The following TTC24 variants were observed in gnomAD, a reference collection of about 807,000 sequenced individuals.
The protein encoded by TTC24 is tetratricopeptide repeat domain 24.
In TTC24, 54 loss-of-function variants were observed where a neutral mutation model predicts 63.3. The ratio of observed to expected loss-of-function variants is 0.85; its 90% confidence interval spans 0.69 to 1.07. The LOEUF (loss-of-function observed/expected upper bound fraction) is 1.07, where lower values mean the gene tolerates loss of function less well. Among genes scored for constraint, TTC24 ranks in the 50% least tolerant of loss-of-function variants. The pLI is 0.00. For missense variants in TTC24, 680 were observed against 730.5 expected, an observed-to-expected ratio of 0.93 and a Z score of 0.80; for synonymous variants, 276 against 304.3, an observed-to-expected ratio of 0.91 and a Z score of 0.97.
intron 1 of TTC24, among the ~76,000 whole-genome samples, chr1:156,580,638 C>T (rs575024504): frequency 5.9e-5 from 9 of 152,134 alleles, no homozygotes; most frequent in African/African-American, 1.4e-4. Context: ...CCACCACGCC[C>T]GGCTAATTTT....
Position 156,583,259 on chromosome 1 carries a change from G to A in TTC24, c.1040-79G>A. ...CGGGGAGGCAGATGGGGGGAACTGAGGGTAGGGAGTGCCTCTGAGGGGGTG... is the reference window on the plus strand; with the variant it reads ...CGGGGAGGCAGATGGGGGGAACTGAAGGTAGGGAGTGCCTCTGAGGGGGTG... On this transcript the variant is annotated intron_variant, in intron 4 of 10. Coordinates refer to ENST00000368236, the MANE Select transcript of TTC24 (RefSeq NM_001105669.4). The surrounding 1 kb of genome is among the most constrained non-coding windows in gnomAD (Gnocchi z 4.0). 1 of 1,609,820 alleles carries A rather than the reference G, an allele frequency of 6.2e-7. No individual in the cohort carries two copies.
At chr1:156,584,214 A>G (rs756718568) in intron 6 of TTC24, among the ~76,000 whole-genome samples, 1 of 152,234 alleles carries the variant, frequency 6.6e-6, no homozygotes, top group Non-Finnish European at 1.5e-5. Context: ...AAATGGCCAC[A>G]GGATGGAGAT....
At position 156,587,373 on chromosome 1, in the gene TTC24, G is replaced by A. The variant is rs1296234847; in HGVS notation, c.*823G>A. Among the ~76,000 whole-genome samples the A allele has an allele frequency of 6.6e-6, 1 of 152,240 alleles. No homozygotes were observed. The highest frequency in any genetic ancestry group is 1.5e-5 in the Non-Finnish European group (1 of 68,046). ...TCCCAGGTCACATAACTAGTATGTA[G>A]AGAAGCTGGGAATCAAACCCAGGCA... On this transcript the variant is annotated 3_prime_UTR_variant, in exon 11 of 11. Coordinates refer to ENST00000368236, the MANE Select transcript of TTC24 (RefSeq NM_001105669.4).
Position 156,585,740 on chromosome 1 carries a change from A to G in TTC24, c.1484A>G (p.His495Arg), listed in dbSNP as rs1485349906. ...TGTTTCCTTCCAGGCACAGTGAATC[A>G]TTCGCACCATCTAGCTTCTAGTTGC... ...ELCFLPGTVN[H>R]SHHLASSCPT... The change falls in exon 9 of 11, where the codon CAT becomes CGT. Residue 495 changes from histidine (H) to arginine (R), a missense_variant. Coordinates refer to ENST00000368236, the MANE Select transcript of TTC24 (RefSeq NM_001105669.4). 1.2e-6 allele frequency: 2 copies of G among 1,613,796 alleles called. No homozygotes were observed. The highest frequency in any genetic ancestry group is 2.7e-5 in the African/African-American group (2 of 74,894).
Position 156,583,224 on chromosome 1 carries a change from T to C in TTC24, c.1039+54T>C. ...GGGACAGTGGGGAGGCTGAGGGTCC[T>C]AGGGGCTGGCGGGGAGGCAGATGGG... On this transcript the variant is annotated intron_variant, in intron 4 of 10. Coordinates refer to ENST00000368236, the MANE Select transcript of TTC24 (RefSeq NM_001105669.4). The surrounding 1 kb of genome is among the most constrained non-coding windows in gnomAD (Gnocchi z 4.0). 1.9e-6 allele frequency: 3 copies of C among 1,602,914 alleles called. No homozygotes were observed. Among genetic ancestry groups the C allele is most frequent in the Non-Finnish European group, 1.7e-6 (2 of 1,176,216 alleles).
At position 156,581,588 on chromosome 1, in the gene TTC24, C is replaced by T. The variant is rs1441867183; in HGVS notation, c.224C>T (p.Thr75Ile). 1.3e-6 allele frequency: 2 copies of T among 1,551,616 alleles called. No individual in the cohort carries two copies. Among genetic ancestry groups the T allele is most frequent in the Admixed American group, 2.0e-5 (1 of 50,984 alleles). The change falls in exon 2 of 11, where the codon ACC becomes ATC. Residue 75 changes from threonine to isoleucine, a missense_variant. Physicochemically the swap from Thr to Ile is moderately conservative, Grantham distance 89 (BLOSUM62 -1). Coordinates refer to ENST00000368236, the MANE Select transcript of TTC24 (RefSeq NM_001105669.4). ...TCCAAGGCCCCACAAACCAGGGATA[C>T]CCCTGTGCTCCAGGCCTGCGCCTTC... is the stretch of plus-strand genomic sequence containing the variant. ...LASKAPQTRD[T>I]PVLQACAFNL...
In TTC24 at chr1:156,587,371, T is replaced by G. The variant is rs1390427600; in HGVS notation, c.*821T>G. On this transcript the variant is annotated 3_prime_UTR_variant, in exon 11 of 11. Transcript: ENST00000368236. ...ATTCCCAGGTCACATAACTAGTATG[T>G]AGAGAAGCTGGGAATCAAACCCAGG... 6.6e-6 allele frequency among the ~76,000 whole-genome samples: 1 copy of G among 152,218 alleles called. No individual in the cohort carries two copies. Among genetic ancestry groups the G allele is most frequent in the East Asian group, 1.9e-4 (1 of 5,206 alleles).
Position 156,586,641 on chromosome 1 carries a change from T to C in TTC24, c.*91T>C, listed in dbSNP as rs958024984. 1.3e-5 allele frequency: 15 copies of C among 1,163,478 alleles called. No homozygotes were observed. Among genetic ancestry groups the C allele is most frequent in the Non-Finnish European group, 1.9e-5 (15 of 798,312 alleles). The allele number at this position is 1,163,478 out of a possible 1,614,324, so 72.1% of individuals were successfully genotyped here. A position where few individuals can be genotyped will look rare whatever the true frequency, so the allele number is the denominator to read the frequency against. ...CCTGGGGACCAAGCCTCTTCCCAGTTGCTCAGCCCTGCAGGGATGTGGAAC... is the reference window on the plus strand; with the variant it reads ...CCTGGGGACCAAGCCTCTTCCCAGTCGCTCAGCCCTGCAGGGATGTGGAAC... On this transcript the variant is annotated 3_prime_UTR_variant, in exon 11 of 11. Transcript: ENST00000368236.
rs930117029 is a variant in TTC24 at position 156,583,953 on chromosome 1, G to A, written c.1251+58G>A. On this transcript the variant is annotated intron_variant, in intron 6 of 10. Transcript: ENST00000368236. This position sits in a 1 kb window ranked among gnomAD's most constrained non-coding sequence, Gnocchi z 4.0. ...TGGAGAGAGGTTACCCAGAGAAGGGGTTGGTGGTAAGCAGAGACGCTGTTC... is the reference window on the plus strand; with the variant it reads ...TGGAGAGAGGTTACCCAGAGAAGGGATTGGTGGTAAGCAGAGACGCTGTTC... The A allele has an allele frequency of 2.8e-6, 4 of 1,454,236 alleles. No individual in the cohort carries two copies. In the African/African-American group the frequency reaches 5.6e-5, roughly 20 times the overall value. 90.1% of individuals were successfully genotyped at this position (1,454,236 alleles called of 1,614,324 possible).
rs1398268874 is a variant in TTC24 at position 156,584,870 on chromosome 1, T to C, written c.1252-7T>C. 1.3e-6 allele frequency: 2 copies of C among 1,553,496 alleles called. No individual in the cohort carries two copies. The highest frequency in any genetic ancestry group is 1.7e-6 in the Non-Finnish European group (2 of 1,150,830). On this transcript the variant is annotated splice_region_variant and splice_polypyrimidine_tract_variant and intron_variant, in intron 6 of 10. Transcript: ENST00000368236. ...GACCTATTCCCTTTACTCCACTTCATTCCCAGACTTCGGCTCCGGGAAGAC... is the reference window on the plus strand; with the variant it reads ...GACCTATTCCCTTTACTCCACTTCACTCCCAGACTTCGGCTCCGGGAAGAC...
intron 1 of TTC24, among the ~76,000 whole-genome samples, chr1:156,580,405 G>A (rs1027743356): frequency 6.6e-6 from 1 of 151,894 alleles, no homozygotes; most frequent in Admixed American, 6.6e-5. Context: ...TGATGAGTGA[G>A]GGGGGTGTCT....
Position 156,585,935 on chromosome 1 carries a change from C to A in TTC24, c.1571-14C>A. On this transcript the variant is annotated splice_polypyrimidine_tract_variant and intron_variant, in intron 9 of 10. Coordinates refer to ENST00000368236, the MANE Select transcript of TTC24 (RefSeq NM_001105669.4). ...AGAGGCACGTGATGAATGTGTCTGT[C>A]CTTCTCCATCTAGGTCCAGGACCCA... 6.2e-7 allele frequency: 1 copy of A among 1,603,388 alleles called. No homozygotes were observed. The highest frequency in any genetic ancestry group is 8.5e-7 in the Non-Finnish European group (1 of 1,173,388).
At chr1:156,584,831 G>C in intron 6 of TTC24, 46 bp from the exon 7 acceptor site, 1 of 1,360,808 alleles carries the variant, frequency 7.3e-7, no homozygotes, top group South Asian at 1.5e-5. Context: ...TAGCTGGGAT[G>C]GCCGTTTTTC....
chr1:156,582,082 G>A lies in TTC24; in HGVS notation c.706+12G>A, dbSNP rs748960610. 2.2e-5 allele frequency: 32 copies of A among 1,464,010 alleles called. No individual in the cohort carries two copies. In the Middle Eastern group the frequency reaches 5.4e-4, roughly 25 times the overall value. 90.7% of individuals were successfully genotyped at this position (1,464,010 alleles called of 1,614,324 possible). On this transcript the variant is annotated intron_variant, in intron 2 of 10. Transcript: ENST00000368236. Reference sequence around the variant, plus strand: ...GAGGCGACTGCTGGGTGAGACCTTCGGGCAGGGAAGGCATGGGATCTGGGG... The same window carrying A: ...GAGGCGACTGCTGGGTGAGACCTTCAGGCAGGGAAGGCATGGGATCTGGGG...
rs1677175953 is a variant in TTC24 at position 156,586,475 on chromosome 1, C to G, written c.1674C>G (p.Ser558=). The G allele has an allele frequency of 6.2e-7, 1 of 1,610,378 alleles. No homozygotes were observed. The highest frequency in any genetic ancestry group is 8.5e-7 in the Non-Finnish European group (1 of 1,179,714). Residue 558 remains serine, a synonymous_variant, in exon 11 of 11, where the codon TCC becomes TCG. Coordinates refer to ENST00000368236, the MANE Select transcript of TTC24 (RefSeq NM_001105669.4). ...VPNGPQANRS[S]RWPRESLSRS... ...CCCTCCCTGCCTCTTTCAGGTCATCCAGGTGGCCCAGGGAAAGCCTCAGCA... is the reference window on the plus strand; with the variant it reads ...CCCTCCCTGCCTCTTTCAGGTCATCGAGGTGGCCCAGGGAAAGCCTCAGCA...
Position 156,585,746 on chromosome 1 carries a change from A to G in TTC24, c.1490A>G (p.His497Arg). 1 of 1,613,864 alleles carries G rather than the reference A, an allele frequency of 6.2e-7. No homozygotes were observed. The highest frequency in any genetic ancestry group is 1.1e-5 in the South Asian group (1 of 91,084). ...CFLPGTVNHS[H>R]HLASSCPTFT... ...CTTCCAGGCACAGTGAATCATTCGC[A>G]CCATCTAGCTTCTAGTTGCCCCACG... Residue 497 changes from histidine to arginine, a missense_variant, in exon 9 of 11, where the codon CAC (histidine) becomes CGC (arginine). By Grantham distance (29) the His-to-Arg change is conservative. Coordinates refer to ENST00000368236, the MANE Select transcript of TTC24 (RefSeq NM_001105669.4).
At position 156,586,914 on chromosome 1, in the gene TTC24, GC is replaced by G. The variant is rs1677190291; in HGVS notation, c.*365del. Reference sequence around the variant, plus strand: ...TGACTGTCTCCAGACGTCCATTTTTGCACATGAGAAATGAGGATATAATACT... The same window carrying G: ...TGACTGTCTCCAGACGTCCATTTTTGACATGAGAAATGAGGATATAATACT... On this transcript the variant is annotated 3_prime_UTR_variant, in exon 11 of 11. Transcript: ENST00000368236. 1 of 195,898 alleles carries G rather than the reference GC, an allele frequency of 5.1e-6. No individual in the cohort carries two copies. The highest frequency in any genetic ancestry group is 2.3e-5 in the African/African-American group (1 of 44,264). The allele number at this position is 195,898 out of a possible 1,614,324, so 12.1% of individuals were successfully genotyped here.
At position 156,583,907 on chromosome 1, in the gene TTC24, C is replaced by T; in HGVS notation, c.1251+12C>T. On this transcript the variant is annotated intron_variant, in intron 6 of 10. Transcript: ENST00000368236. This position sits in a 1 kb window ranked among gnomAD's most constrained non-coding sequence, Gnocchi z 4.0. Reference sequence around the variant, plus strand: ...AGACTCACACCCTGGTGAGATGACACCTGAGACAAGGAGATGGGGGTGGAG... The same window carrying T: ...AGACTCACACCCTGGTGAGATGACATCTGAGACAAGGAGATGGGGGTGGAG... The T allele has an allele frequency of 6.4e-7, 1 of 1,565,874 alleles. No individual in the cohort carries two copies. The highest frequency in any genetic ancestry group is 8.7e-7 in the Non-Finnish European group (1 of 1,154,180).
chr1:156,585,365 T>C, intron 8 of TTC24, 134 bp downstream of exon 8: 1 of 727,356 alleles, frequency 1.4e-6, no homozygotes. Context: ...CTTTGAGGCC[T>C]GGCACAACCT....
Sources: gnomAD v4.1 joint callset for allele counts (sites outside exome capture counted in the v4.1 genomes callset) on GRCh38, gnomAD v4.1.1 for gene constraint, Gnocchi (gnomAD v3.1) non-coding constraint, MANE v1.5 for transcripts, NCBI Gene and HGNC (gene_info 2026-07-23, HGNC 2026-07-21) for gene names.